PCDHGB6: variants seen among roughly 807,000 people sequenced by gnomAD.
The protein encoded by PCDHGB6 is protocadherin gamma-B6.
In PCDHGB6, 51 loss-of-function variants were observed where a neutral mutation model predicts 59.1. The ratio of observed to expected loss-of-function variants is 0.86; its 90% CI spans 0.69 to 1.09. PCDHGB6 has a LOEUF of 1.09. Among genes scored for constraint, PCDHGB6 ranks in the 50% least tolerant of loss-of-function variants. The pLI is 0.00. For synonymous variants in PCDHGB6, 466 were observed against 495.1 expected (o/e 0.94, Z 0.78); for missense variants, 1,148 against 1,205.1 (o/e 0.95, Z 0.70).
At chr5:141,455,686 G>A (rs1282071031) in intron 1 of PCDHGB6, among the ~76,000 whole-genome samples, 1 of 152,094 alleles carries the variant, frequency 6.6e-6, no homozygotes. Context: ...AAGGCTGTGG[G>A]AATCGCCAAG....
At chr5:141,461,422 C>A (rs2099015157) in intron 1 of PCDHGB6, among the ~76,000 whole-genome samples, 1 of 151,930 alleles carries the variant, frequency 6.6e-6, no homozygotes, top group African/African-American at 2.4e-5. Flanking sequence ...TGTTTGTGGG[C>A]CATTTGTATA....
chr5:141,474,955 T>C (rs2099356879), intron 1 of PCDHGB6, among the ~76,000 whole-genome samples: 1 of 152,254 alleles, frequency 6.6e-6, no homozygotes, highest in African/African-American at 2.4e-5. Context: ...TTTTATTCAC[T>C]ATCCTAATCA....
At chr5:141,424,901 C>G (rs2096846997) in intron 1 of PCDHGB6, among the ~76,000 whole-genome samples, 1 of 152,134 alleles carries the variant, frequency 6.6e-6, no homozygotes, top group African/African-American at 2.4e-5. Context: ...TTTTTGATCA[C>G]AGGAATCATT....
In PCDHGB6 at chr5:141,511,032, G is replaced by A; in HGVS notation, c.2652G>A (p.Gln884=). 1.2e-6 allele frequency: 2 copies of A among 1,614,228 alleles called. No homozygotes were observed. The highest frequency in any genetic ancestry group is 2.2e-5 in the East Asian group (1 of 44,888). The change falls in exon 4 of 4, where the codon CAG becomes CAA. Residue 884 remains glutamine, a synonymous_variant. Transcript: ENST00000520790. Reference sequence around the variant, plus strand: ...GCTACGGACCCCAGTTCACCCTGCAGCACGTGCCCGACTACCGCCAGAATG... The same window carrying A: ...GCTACGGACCCCAGTTCACCCTGCAACACGTGCCCGACTACCGCCAGAATG... ...SARYGPQFTL[Q]HVPDYRQNVY...
chr5:141,460,556 T>C (rs762545295), intron 1 of PCDHGB6, among the ~76,000 whole-genome samples: 10 of 152,152 alleles, frequency 6.6e-5, no homozygotes, highest in Admixed American at 3.3e-4. Context: ...CAAAAATCAT[T>C]TGGCCATGGA....
chr5:141,510,656 A>C (rs761093897), intron 3 of PCDHGB6, among the ~76,000 whole-genome samples: 4 of 152,304 alleles, frequency 2.6e-5, no homozygotes, highest in Non-Finnish European at 5.9e-5. Flanking sequence ...CCCATTTTGC[A>C]GATGAGAAAA....
At chr5:141,430,996 G>C in intron 1 of PCDHGB6, 8 of 1,614,024 alleles carry the variant, frequency 5.0e-6, no homozygotes, top group Middle Eastern at 3.3e-4. Context: ...CCCTGAATCC[G>C]CGCAGCGGCA....
intron 1 of PCDHGB6, chr5:141,430,690 G>A: frequency 1.4e-6 from 2 of 1,410,426 alleles, no homozygotes; most frequent in Non-Finnish European, 1.9e-6. Flanking sequence ...CCCATTCTAT[G>A]GGCGAAGGAA....
intron 1 of PCDHGB6, chr5:141,416,335 C>A (rs573998059): frequency 6.6e-6 from 1 of 152,256 alleles, no homozygotes; most frequent in Non-Finnish European, 1.5e-5. Flanking sequence ...ACTTTCATTG[C>A]TCAATAGGGA....
At chr5:141,466,146 T>C (rs977109086) in intron 1 of PCDHGB6, among the ~76,000 whole-genome samples, 5 of 151,880 alleles carry the variant, frequency 3.3e-5, no homozygotes, top group Non-Finnish European at 7.4e-5. Context: ...GTGAAAACTC[T>C]GGTCTTAAAC....
chr5:141,419,738 C>T (rs745596534), intron 1 of PCDHGB6: 2 of 1,613,796 alleles, frequency 1.2e-6, no homozygotes, highest in Non-Finnish European at 1.7e-6. Flanking sequence ...AGGCGAGGTG[C>T]GCATGGTGCG....
chr5:141,492,332 G>A (rs2099739439), intron 1 of PCDHGB6, among the ~76,000 whole-genome samples: 1 of 152,204 alleles, frequency 6.6e-6, no homozygotes. Flanking sequence ...GGGCTTACGC[G>A]AATACCAGCT....
intron 1 of PCDHGB6, among the ~76,000 whole-genome samples, chr5:141,456,379 C>A (rs181915740): frequency 1.3e-5 from 2 of 152,162 alleles, no homozygotes; most frequent in East Asian, 3.9e-4. Context: ...GTTTACAGCA[C>A]CGTTTGGAGT....
chr5:141,429,395 A>T (rs545207705), intron 1 of PCDHGB6, among the ~76,000 whole-genome samples: 166 of 152,126 alleles, frequency 1.1e-3, no homozygotes, highest in African/African-American at 3.8e-3. Flanking sequence ...TTTAAAAAAA[A>T]TTGAGATTAA....
chr5:141,417,975 A>C, intron 1 of PCDHGB6: 3 of 1,613,724 alleles, frequency 1.9e-6, no homozygotes, highest in Non-Finnish European at 2.5e-6. Context: ...TCGATTCCGG[A>C]GGAGCTGGCC....
chr5:141,414,255 G>A (rs776584940), intron 1 of PCDHGB6: 12 of 1,613,350 alleles, frequency 7.4e-6, no homozygotes, highest in Non-Finnish European at 1.0e-5. Flanking sequence ...TTAGTCCAGT[G>A]ACTGAAGATT....
At chr5:141,446,221 T>C (rs2098493855) in intron 1 of PCDHGB6, among the ~76,000 whole-genome samples, 1 of 152,164 alleles carries the variant, frequency 6.6e-6, no homozygotes, top group African/African-American at 2.4e-5. Flanking sequence ...AATATTGTTG[T>C]GTTGCCTGGC....
chr5:141,509,132 G>A (rs1261849657), intron 3 of PCDHGB6, among the ~76,000 whole-genome samples: 1 of 152,150 alleles, frequency 6.6e-6, no homozygotes, highest in Admixed American at 6.5e-5. Flanking sequence ...GAGAAAAACC[G>A]AGGCGCATCC....
intron 1 of PCDHGB6, among the ~76,000 whole-genome samples, chr5:141,447,744 T>G (rs1020767891): frequency 3.4e-4 from 51 of 152,206 alleles, no homozygotes; most frequent in African/African-American, 1.2e-3. Context: ...CTTAAGAGTC[T>G]TGCATGTGAC....
Sources: allele counts gnomAD v4.1 joint callset (sites outside exome capture counted in the v4.1 genomes callset), GRCh38; gene constraint gnomAD v4.1.1; transcripts MANE v1.5; gene names NCBI Gene and HGNC (gene_info 2026-07-23, HGNC 2026-07-21).